PTPRR: variants seen among roughly 807,000 people sequenced by gnomAD.
PTPRR encodes protein tyrosine phosphatase receptor type R, also known as receptor-type tyrosine-protein phosphatase R.
A neutral mutation model predicts 77.2 loss-of-function variants in PTPRR; 38 were observed. The observed-to-expected ratio is 0.49, with a 90% CI of 0.38 to 0.65. The LOEUF is 0.65. PTPRR is among the 30% of genes least tolerant of loss of function. The pLI is 0.00. For synonymous variants in PTPRR, 299 were observed against 283.1 expected (o/e 1.06, Z -0.57); for missense variants, 744 against 799.2 (o/e 0.93, Z 0.83).
At chr12:70,741,383 A>C (rs1890040579) in intron 6 of PTPRR, among the ~76,000 whole-genome samples, 1 of 152,184 alleles carries the variant, frequency 6.6e-6, no homozygotes, top group South Asian at 2.1e-4. Flanking sequence ...GAAGAGAGGT[A>C]GCTGAATCAG....
intron 13 of PTPRR, among the ~76,000 whole-genome samples, chr12:70,645,827 A>G (rs535627548): frequency 1.6e-4 from 15 of 92,858 alleles, no homozygotes; most frequent in African/African-American, 9.3e-4. Flanking sequence ...TTAGAAAGGG[A>G]AAAAAAAATG....
intron 2 of PTPRR, among the ~76,000 whole-genome samples, chr12:70,846,222 T>C (rs1892480858): frequency 6.6e-6 from 1 of 152,170 alleles, no homozygotes; most frequent in African/African-American, 2.4e-5. Context: ...TCCTTTCCAC[T>C]AGCTACGGAC....
chr12:70,866,700 GA>G (rs1379772552), intron 2 of PTPRR, among the ~76,000 whole-genome samples: 2 of 152,188 alleles, frequency 1.3e-5, no homozygotes, highest in African/African-American at 4.8e-5. Flanking sequence ...GCATCATCCT[GA>G]TACCAATGCC....
At chr12:70,643,072 A>G (rs1337796897) in intron 13 of PTPRR, among the ~76,000 whole-genome samples, 1 of 152,196 alleles carries the variant, frequency 6.6e-6, no homozygotes, top group Non-Finnish European at 1.5e-5. Flanking sequence ...CAGGAGGTTG[A>G]GGCCAGAGGA....
intron 12 of PTPRR, among the ~76,000 whole-genome samples, chr12:70,659,431 A>T (rs1592643636): frequency 1.3e-5 from 2 of 152,162 alleles, no homozygotes; most frequent in Admixed American, 1.3e-4. Flanking sequence ...GACTGATTAG[A>T]TACTGATGTT....
intron 2 of PTPRR, among the ~76,000 whole-genome samples, chr12:70,821,883 C>T (rs1892021125): frequency 6.6e-6 from 1 of 151,976 alleles, no homozygotes; most frequent in Non-Finnish European, 1.5e-5. Flanking sequence ...CCAGGATGGT[C>T]TTGATCTCCT....
At chr12:70,743,869 G>A (rs776775871) in intron 6 of PTPRR, among the ~76,000 whole-genome samples, 7 of 152,168 alleles carry the variant, frequency 4.6e-5, no homozygotes, top group Non-Finnish European at 1.0e-4. Flanking sequence ...ACAGAGGGCA[G>A]GATGCTGGGA....
intron 2 of PTPRR, among the ~76,000 whole-genome samples, chr12:70,887,843 T>C (rs75346009): frequency 0.029 from 4,390 of 152,122 alleles, 100 homozygotes; most frequent in Non-Finnish European, 0.046. Context: ...CCAAGTATCC[T>C]CCAGAATGCT....
intron 12 of PTPRR, among the ~76,000 whole-genome samples, chr12:70,658,883 G>GGTTTTTT (rs1295017452): frequency 5.4e-5 from 2 of 36,938 alleles, no homozygotes; most frequent in African/African-American, 2.2e-4. Context: ...TTTTGCTCTA[G>GGTTTTTT]TTTTTTTTTT....
chr12:70,815,120 AGAGAT>A (rs1565706705), intron 2 of PTPRR, among the ~76,000 whole-genome samples: 1 of 26,654 alleles, frequency 3.8e-5, no homozygotes, highest in Admixed American at 4.4e-4. Flanking sequence ...CATTCTAAGG[AGAGAT>A]AAGATATCAA....
chr12:70,686,822 T>C (rs998104139), intron 8 of PTPRR, among the ~76,000 whole-genome samples: 3 of 152,102 alleles, frequency 2.0e-5, no homozygotes. Flanking sequence ...TGAAAGACCT[T>C]GAGCCAGACA....
chr12:70,768,360 A>G (rs1486720507), intron 2 of PTPRR, among the ~76,000 whole-genome samples: 1 of 152,246 alleles, frequency 6.6e-6, no homozygotes, highest in Non-Finnish European at 1.5e-5. Context: ...ACAAACTACC[A>G]TCAGAGAATA....
intron 6 of PTPRR, among the ~76,000 whole-genome samples, chr12:70,727,528 T>C (rs1889485907): frequency 1.3e-5 from 2 of 152,210 alleles, no homozygotes; most frequent in Non-Finnish European, 1.5e-5. Context: ...ACTTTTGTAT[T>C]GTGATCAGGT....
intron 2 of PTPRR, among the ~76,000 whole-genome samples, chr12:70,836,888 A>G (rs1892313398): frequency 6.6e-6 from 1 of 152,090 alleles, no homozygotes; most frequent in African/African-American, 2.4e-5. Context: ...TATGTGTTCA[A>G]TATATAATTA....
chr12:70,771,061 G>A (rs900397560), intron 2 of PTPRR, among the ~76,000 whole-genome samples: 4 of 150,634 alleles, frequency 2.7e-5, no homozygotes, highest in Non-Finnish European at 5.9e-5. Flanking sequence ...GCTAAATGAC[G>A]AGTCAACGGG....
At chr12:70,806,682 AT>A (rs1172028536) in intron 2 of PTPRR, among the ~76,000 whole-genome samples, 2 of 152,272 alleles carry the variant, frequency 1.3e-5, no homozygotes, top group South Asian at 2.1e-4. Flanking sequence ...ATGCCGTGCC[AT>A]TTTTACTCCT....
At chr12:70,797,202 G>A (rs1202754785) in intron 2 of PTPRR, among the ~76,000 whole-genome samples, 1 of 152,078 alleles carries the variant, frequency 6.6e-6, no homozygotes, top group Non-Finnish European at 1.5e-5. Context: ...AAATATTTGA[G>A]TTTCTAATAT....
intron 2 of PTPRR, among the ~76,000 whole-genome samples, chr12:70,768,959 AC>A (rs1386044266): frequency 2.0e-5 from 3 of 151,038 alleles, no homozygotes; most frequent in South Asian, 2.1e-4. Flanking sequence ...AAATTCAACA[AC>A]CCTTCATGCT....
intron 2 of PTPRR, among the ~76,000 whole-genome samples, chr12:70,873,284 A>G (rs367647920): frequency 3.4e-4 from 52 of 152,266 alleles, no homozygotes; most frequent in African/African-American, 1.1e-3. Context: ...GAGCCTTGAG[A>G]CTCACTCCCT....
Sources: gnomAD v4.1 joint callset for allele counts (sites outside exome capture counted in the v4.1 genomes callset) on GRCh38, gnomAD v4.1.1 for gene constraint, MANE v1.5 for transcripts, NCBI Gene and HGNC (gene_info 2026-07-23, HGNC 2026-07-21) for gene names.